Variants in FTCDNL1 observed in about 807,000 individuals in gnomAD.
FTCDNL1 encodes the protein formiminotransferase cyclodeaminase N-terminal like, also known as formiminotransferase N-terminal subdomain-containing protein.
Under a neutral mutation model 5.9 loss-of-function variants are expected in FTCDNL1, and 11 were observed. That is an observed-to-expected ratio of 1.87 (90% CI 1.18 to 3.10). The LOEUF (loss-of-function observed/expected upper bound fraction) is 3.10. Among genes scored for constraint, FTCDNL1 ranks in the 30% most tolerant of loss-of-function variants. The pLI is 0.00. For synonymous variants in FTCDNL1, 58 were observed against 24.8 expected, an observed-to-expected ratio of 2.34 and a Z score of -3.99; for missense variants, 115 against 65.5, an observed-to-expected ratio of 1.76 and a Z score of -2.61.
At chr2:199,755,837 A>T (rs141010884), downstream of FTCDNL1, among the ~76,000 whole-genome samples, 583 of 152,308 alleles carry the variant, frequency 3.8e-3, 3 homozygotes, top group African/African-American at 0.013. Flanking sequence ...ATTTAAAGAG[A>T]TGTAAAGCAT....
intron 3 of FTCDNL1, among the ~76,000 whole-genome samples, chr2:199,789,739 C>G (rs1297285912): frequency 1.3e-5 from 2 of 151,878 alleles, no homozygotes; most frequent in Non-Finnish European, 1.5e-5. Context: ...AAATAAAAAC[C>G]TTTAGAATAA....
chr2:199,673,301 T>C, the FTCDNL1 span, among the ~76,000 whole-genome samples: 5 of 140,908 alleles, frequency 3.5e-5, no homozygotes, highest in African/African-American at 1.1e-4. Context: ...GCACTCCAGC[T>C]TGGTTGATAG....
At chr2:199,782,697 G>C (rs1699429319) in intron 3 of FTCDNL1, among the ~76,000 whole-genome samples, 1 of 152,190 alleles carries the variant, frequency 6.6e-6, no homozygotes, top group Non-Finnish European at 1.5e-5. Flanking sequence ...CTAAGAGGGG[G>C]CCATGTTAAA....
chr2:199,844,503 C>A, intron 3 of FTCDNL1: 1 of 648,916 alleles, frequency 1.5e-6, no homozygotes, highest in Non-Finnish European at 2.8e-6. Flanking sequence ...GCCTGGAAGG[C>A]CTCTAGGCAG....
chr2:199,764,088 C>T (rs566064644), intron 3 of FTCDNL1, among the ~76,000 whole-genome samples: 50 of 152,256 alleles, frequency 3.3e-4, no homozygotes, highest in African/African-American at 1.0e-3. Context: ...GTGATCCATC[C>T]GCTTCAGCCT....
At chr2:199,786,238 T>C (rs1284524670) in intron 3 of FTCDNL1, among the ~76,000 whole-genome samples, 4 of 151,272 alleles carry the variant, frequency 2.6e-5, no homozygotes, top group Non-Finnish European at 5.9e-5. Flanking sequence ...CAGTCTGGGC[T>C]ACCTCCAGCC....
chr2:199,756,270 T>C (rs1698069823), downstream of FTCDNL1, among the ~76,000 whole-genome samples: 1 of 152,180 alleles, frequency 6.6e-6, no homozygotes, highest in South Asian at 2.1e-4. Flanking sequence ...GATAGAACAA[T>C]TTTATTTAAG....
intron 4 of FTCDNL1, among the ~76,000 whole-genome samples, chr2:199,814,505 T>C (rs952718386): frequency 6.6e-6 from 1 of 152,164 alleles, no homozygotes; most frequent in Non-Finnish European, 1.5e-5. Flanking sequence ...TAGAAATAAT[T>C]CAGAAGAGAT....
chr2:199,819,482 T>A, intron 4 of FTCDNL1, 90 bp downstream of exon 4: 2 of 664,426 alleles, frequency 3.0e-6, no homozygotes, highest in Non-Finnish European at 5.4e-6. Flanking sequence ...CCTATAACTC[T>A]TCCTGCATTA....
chr2:199,745,222 C>G, the FTCDNL1 span, among the ~76,000 whole-genome samples: 521 of 152,346 alleles, frequency 3.4e-3, no homozygotes, highest in Non-Finnish European at 5.8e-3. Context: ...ACATGCTGGA[C>G]TCTGTTCCAG....
the FTCDNL1 span, among the ~76,000 whole-genome samples, chr2:199,693,460 T>A: frequency 6.6e-6 from 1 of 152,236 alleles, no homozygotes; most frequent in African/African-American, 2.4e-5. Context: ...TTAGCATCTA[T>A]CCTGTGATAA....
At chr2:199,705,383 A>G in the FTCDNL1 span, among the ~76,000 whole-genome samples, 1 of 152,196 alleles carries the variant, frequency 6.6e-6, no homozygotes, top group Middle Eastern at 3.4e-3. Context: ...ATCCTATTGT[A>G]AATTATATTT....
intron 3 of FTCDNL1, among the ~76,000 whole-genome samples, chr2:199,771,559 C>T (rs973143574): frequency 1.3e-5 from 2 of 152,158 alleles, no homozygotes; most frequent in African/African-American, 4.8e-5. Flanking sequence ...CAGTTTAAGA[C>T]TCTCAGCCTC....
intron 3 of FTCDNL1, among the ~76,000 whole-genome samples, chr2:199,762,241 T>C (rs1314868772): frequency 6.6e-6 from 1 of 152,096 alleles, no homozygotes; most frequent in Non-Finnish European, 1.5e-5. Context: ...TAGCCGAGCA[T>C]GGTGGTGGGC....
chr2:199,739,200 A>C, the FTCDNL1 span, among the ~76,000 whole-genome samples: 1 of 152,144 alleles, frequency 6.6e-6, no homozygotes, highest in East Asian at 1.9e-4. Context: ...TATTTTAATC[A>C]CCCGACTTCA....
intron 3 of FTCDNL1, among the ~76,000 whole-genome samples, chr2:199,771,182 T>A (rs144955691): frequency 6.6e-6 from 1 of 152,232 alleles, no homozygotes; most frequent in East Asian, 1.9e-4. Flanking sequence ...TAGCAACTGA[T>A]GACACCATTC....
downstream of FTCDNL1, among the ~76,000 whole-genome samples, chr2:199,806,507 A>C (rs1171139619): frequency 6.6e-6 from 1 of 152,248 alleles, no homozygotes; most frequent in Non-Finnish European, 1.5e-5. Context: ...TGGCTCAGCC[A>C]GGGGGAATGA....
chr2:199,730,786 G>A, the FTCDNL1 span, among the ~76,000 whole-genome samples: 3 of 152,186 alleles, frequency 2.0e-5, no homozygotes, highest in African/African-American at 4.8e-5. Flanking sequence ...ACAGAGTGGC[G>A]ATTCCCCAAG....
chr2:199,785,249 C>CGTTTTTTTTTTTTTTTT (rs535762570), intron 3 of FTCDNL1, among the ~76,000 whole-genome samples: 1 of 76,866 alleles, frequency 1.3e-5, no homozygotes, highest in African/African-American at 5.7e-5. Context: ...TTCCAAATTC[C>CGTTTTTTTTTTTTTTTT]TTTTTTTTTT....
Sources: allele counts gnomAD v4.1 joint callset (sites outside exome capture counted in the v4.1 genomes callset), GRCh38; gene constraint gnomAD v4.1.1; transcripts MANE v1.5; gene names NCBI Gene and HGNC (gene_info 2026-07-23, HGNC 2026-07-21).